Variants in DDAH1 observed in about 807,000 individuals in gnomAD.
DDAH1 encodes the protein N(G),N(G)-dimethylarginine dimethylaminohydrolase 1.
A neutral mutation model predicts 28.8 loss-of-function variants in DDAH1; 19 were observed. The ratio of observed to expected loss-of-function variants is 0.66; its 90% CI spans 0.46 to 0.97. The LOEUF (loss-of-function observed/expected upper bound fraction) is 0.97, where lower values mean the gene tolerates loss of function less well. DDAH1 is among the 50% of genes least tolerant of loss of function. DDAH1 has a pLI of 0.00. For missense variants in DDAH1, 326 were observed against 375.9 expected, an observed-to-expected ratio of 0.87 and a Z score of 1.10; for synonymous variants, 153 against 154.4, an observed-to-expected ratio of 0.99 and a Z score of 0.07.
chr1:85,320,768 C>T lies in DDAH1; in HGVS notation c.*684G>A, dbSNP rs1661292500. The T allele has an allele frequency of 6.6e-6, 1 of 152,302 alleles. No homozygotes were observed. The highest frequency in any genetic ancestry group is 1.5e-5 in the Non-Finnish European group (1 of 68,134). The allele number at this position is 152,302 out of a possible 1,614,324, so 9.4% of individuals were successfully genotyped here. A position where few individuals can be genotyped will look rare whatever the true frequency, so the allele number is the denominator to read the frequency against. ...TCTGTGTAGTTAACACTGCCCCAGA[C>T]AGCAGCTCTGATTTCAGTCACAGTT... is the stretch of plus-strand genomic sequence containing the variant. On this transcript the variant is annotated 3_prime_UTR_variant, in exon 6 of 6. Transcript: ENST00000284031.
At chr1:85,436,613 ATGCTGGTAATGG>A (rs563876206) in intron 1 of DDAH1, among the ~76,000 whole-genome samples, 170 of 152,306 alleles carry the variant, frequency 1.1e-3, no homozygotes, top group African/African-American at 3.7e-3. Flanking sequence ...TCTGCTGGCT[ATGCTGGTAATGG>A]TGCTCAGCTT....
rs962247955 is a variant in DDAH1 at position 85,464,617 on chromosome 1, C to T, written c.303+126G>A. Reference sequence around the variant, plus strand: ...ACACACACACACACACACACTCGCCCCCCGACGGGAAGTTGTGAACTACTA... The same window carrying T: ...ACACACACACACACACACACTCGCCTCCCGACGGGAAGTTGTGAACTACTA... On this transcript the variant is annotated intron_variant, in intron 1 of 5. Coordinates refer to ENST00000284031, the MANE Select transcript of DDAH1 (RefSeq NM_012137.4). The surrounding 1 kb of genome is among the most constrained non-coding windows in gnomAD (Gnocchi z 4.4). 4.6e-5 allele frequency: 70 copies of T among 1,516,290 alleles called. No individual in the cohort carries two copies. In the Admixed American group the frequency reaches 5.0e-4, roughly 11 times the overall value. The allele number at this position is 1,516,290 out of a possible 1,614,324, so 93.9% of individuals were successfully genotyped here.
chr1:85,381,037 G>A (rs980365757), intron 1 of DDAH1, among the ~76,000 whole-genome samples: 1 of 151,510 alleles, frequency 6.6e-6, no homozygotes, highest in African/African-American at 2.4e-5. Context: ...AGGAGTTCAG[G>A]ACCAGCCTGG....
At chr1:85,327,462 C>T (rs989079863) in intron 4 of DDAH1, among the ~76,000 whole-genome samples, 2 of 152,192 alleles carry the variant, frequency 1.3e-5, no homozygotes, top group African/African-American at 4.8e-5. Flanking sequence ...CTACCTAGAT[C>T]CCCTAGAGAG....
At chr1:85,573,747 T>C (rs1659521969) in intron 1 of DDAH1, among the ~76,000 whole-genome samples, 1 of 152,088 alleles carries the variant, frequency 6.6e-6, no homozygotes, top group Non-Finnish European at 1.5e-5. Context: ...AAGTAGAAAA[T>C]TTGTAAAAAG....
rs542776642 is a variant in DDAH1, at chr1:85,532,081, C to T, written c.-122-35800G>A. Among the ~76,000 whole-genome samples the T allele has an allele frequency of 8.0e-5, 12 of 150,942 alleles. No homozygotes were observed. In the South Asian group the frequency reaches 1.3e-3, roughly 16 times the overall value. Reference sequence around the variant, plus strand: ...GGGAATCACCAAACCAACTTCCTCCCGTTGATCCAGGCACCTCCAGCTCCC... The same window carrying T: ...GGGAATCACCAAACCAACTTCCTCCTGTTGATCCAGGCACCTCCAGCTCCC... On this transcript the variant is annotated intron_variant, in intron 1 of 6. Transcript: ENST00000426972.
intron 1 of DDAH1, among the ~76,000 whole-genome samples, chr1:85,412,617 T>C (rs987414601): frequency 3.9e-5 from 6 of 152,224 alleles, no homozygotes; most frequent in Non-Finnish European, 8.8e-5. Flanking sequence ...TGAGAGGACA[T>C]TTGTACCCCT....
chr1:85,497,802 T>C (rs910334550), intron 1 of DDAH1, among the ~76,000 whole-genome samples: 3 of 152,236 alleles, frequency 2.0e-5, no homozygotes, highest in African/African-American at 7.2e-5. Context: ...TCTCATGTTA[T>C]ATATTATTAA....
At chr1:85,404,401 T>C (rs1344775294) in intron 1 of DDAH1, 12 of 1,535,238 alleles carry the variant, frequency 7.8e-6, no homozygotes, top group East Asian at 4.9e-5. Context: ...TGCCATCAAA[T>C]TGCCATCCAG....
chr1:85,325,536 G>C (rs971346492), intron 4 of DDAH1, among the ~76,000 whole-genome samples: 1 of 151,860 alleles, frequency 6.6e-6, no homozygotes, highest in African/African-American at 2.4e-5. Flanking sequence ...TTTGGGTGAG[G>C]CATAGGAATT....
chr1:85,502,991 T>C (rs1570616026), intron 1 of DDAH1, among the ~76,000 whole-genome samples: 1 of 152,248 alleles, frequency 6.6e-6, no homozygotes. Flanking sequence ...GTCCCCCTGG[T>C]GGTGGATCTC....
intron 1 of DDAH1, among the ~76,000 whole-genome samples, chr1:85,414,082 T>A (rs1397705571): frequency 3.3e-5 from 5 of 152,340 alleles, no homozygotes; most frequent in African/African-American, 1.2e-4. Flanking sequence ...TATCCTTTTC[T>A]TCTTGTGATG....
At chr1:85,401,501 CTTT>C (rs34520534) in intron 1 of DDAH1, among the ~76,000 whole-genome samples, 8 of 103,356 alleles carry the variant, frequency 7.7e-5, no homozygotes, top group Non-Finnish European at 1.4e-4. Flanking sequence ...TTTTTTCTTT[CTTT>C]TTTTTTTTTT....
intron 4 of DDAH1, among the ~76,000 whole-genome samples, chr1:85,348,453 A>C (rs1169318759): frequency 6.6e-6 from 1 of 152,094 alleles, no homozygotes; most frequent in Admixed American, 6.5e-5. Flanking sequence ...TTAAGTTCCT[A>C]CTTCTTCAGA....
intron 4 of DDAH1, among the ~76,000 whole-genome samples, chr1:85,336,204 T>G (rs1648109419): frequency 1.3e-5 from 2 of 152,192 alleles, no homozygotes; most frequent in African/African-American, 4.8e-5. Flanking sequence ...TACACATTCT[T>G]CTTATTAGCA....
At chr1:85,359,816 A>T (rs1649691789) in intron 1 of DDAH1, among the ~76,000 whole-genome samples, 2 of 152,234 alleles carry the variant, frequency 1.3e-5, no homozygotes, top group African/African-American at 2.4e-5. Context: ...TGTCTAAAGC[A>T]CAGAGATATT....
intron 5 of DDAH1, 123 bp from the exon 6 acceptor site, chr1:85,321,691 C>T: frequency 2.7e-6 from 2 of 747,866 alleles, no homozygotes; most frequent in African/African-American, 1.7e-5. Context: ...GACACACAGG[C>T]AGTCTCAACC....
intron 1 of DDAH1, among the ~76,000 whole-genome samples, chr1:85,456,865 C>CA (rs2100680627): frequency 6.6e-6 from 1 of 152,128 alleles, no homozygotes; most frequent in Non-Finnish European, 1.5e-5. Context: ...CCTCCACCAC[C>CA]AAAAAAGTGC....
At chr1:85,413,861 A>C (rs1652769069) in intron 1 of DDAH1, among the ~76,000 whole-genome samples, 2 of 152,250 alleles carry the variant, frequency 1.3e-5, no homozygotes, top group Admixed American at 1.3e-4. Context: ...GAATTTCTTA[A>C]GTCTTTGGGT....
Sources: gnomAD v4.1 joint callset for allele counts (sites outside exome capture counted in the v4.1 genomes callset) on GRCh38, gnomAD v4.1.1 for gene constraint, Gnocchi (gnomAD v3.1) non-coding constraint, MANE v1.5 for transcripts, NCBI Gene and HGNC (gene_info 2026-07-23, HGNC 2026-07-21) for gene names.